Variants in CCDC68 observed in about 807,000 individuals in gnomAD.
The protein encoded by CCDC68 is coiled-coil domain-containing protein 68.
CCDC68 carries 45 observed loss-of-function variants against 47.1 expected under a neutral mutation model. The ratio of observed to expected loss-of-function variants is 0.96; its 90% confidence interval spans 0.75 to 1.23. The LOEUF (loss-of-function observed/expected upper bound fraction) is 1.23, where lower values mean the gene tolerates loss of function less well. CCDC68 is among the 50% of genes most tolerant of loss of function. The probability of loss-of-function intolerance (pLI) is 0.00; values close to 1 mark genes in which losing one functional copy is unlikely to be tolerated. For synonymous variants in CCDC68, 131 were observed against 129.5 expected, an observed-to-expected ratio of 1.01 and a Z score of -0.08; for missense variants, 353 against 373.6, an observed-to-expected ratio of 0.94 and a Z score of 0.45.
intron 10 of CCDC68, 42 bp downstream of exon 10, chr18:54,917,869 ACT>A (rs1555673592): frequency 1.2e-6 from 1 of 845,048 alleles, no homozygotes; most frequent in South Asian, 1.5e-5. Flanking sequence ...ACACACACAC[ACT>A]CACACCCTCA....
chr18:54,948,332 T>G (rs1454961565), intron 1 of CCDC68, among the ~76,000 whole-genome samples: 1 of 152,128 alleles, frequency 6.6e-6, no homozygotes, highest in Non-Finnish European at 1.5e-5. Context: ...GTAGCGATGC[T>G]TCTGCATGCC....
In CCDC68 at chr18:54,936,734, G is replaced by A. The variant is rs557896031; in HGVS notation, c.471+99C>T. ...TCCCAAGTCTTTTGCCAAGTCACTT[G>A]GCCATTGCTTGTTTCATTTCTAACT... On this transcript the variant is annotated intron_variant, in intron 6 of 11. Coordinates refer to ENST00000591504, the MANE Select transcript of CCDC68 (RefSeq NM_025214.3). 9.1e-6 allele frequency: 13 copies of A among 1,427,776 alleles called. No homozygotes were observed. In the East Asian group the frequency reaches 1.6e-4, roughly 18 times the overall value. 88.4% of individuals were successfully genotyped at this position (1,427,776 alleles called of 1,614,324 possible).
chr18:54,936,781 A>G, intron 6 of CCDC68, 52 bp downstream of exon 6: 1 of 1,607,724 alleles, frequency 6.2e-7, no homozygotes, highest in South Asian at 1.1e-5. Context: ...ATGAACTTCA[A>G]CAGCTCAGGG....
At chr18:54,916,030 G>A (rs1282373966) in intron 10 of CCDC68, among the ~76,000 whole-genome samples, 1 of 152,038 alleles carries the variant, frequency 6.6e-6, no homozygotes, top group Non-Finnish European at 1.5e-5. Context: ...CACTAAGAAA[G>A]GCTGTGAAGA....
intron 1 of CCDC68, among the ~76,000 whole-genome samples, chr18:54,953,537 C>CAT (rs1257575713): frequency 3.5e-5 from 4 of 112,976 alleles, no homozygotes; most frequent in Admixed American, 1.6e-4. Flanking sequence ...CACACACACA[C>CAT]ACATATATAT....
At chr18:54,907,896 C>G in intron 10 of CCDC68, 34 bp from the exon 11 acceptor site, 1 of 1,203,712 alleles carries the variant, frequency 8.3e-7, no homozygotes, top group South Asian at 1.2e-5. Flanking sequence ...CGTCAAATAG[C>G]TAACACATTT....
At chr18:54,919,865 TTTTTTTA>T (rs1167766892) in intron 8 of CCDC68, among the ~76,000 whole-genome samples, 4 of 152,188 alleles carry the variant, frequency 2.6e-5, no homozygotes, top group East Asian at 1.9e-4. Flanking sequence ...TGTGTTTGTC[TTTTTTTA>T]TTTTTTATTT....
intron 10 of CCDC68, among the ~76,000 whole-genome samples, chr18:54,916,211 C>G (rs947001768): frequency 6.6e-6 from 1 of 152,016 alleles, no homozygotes; most frequent in African/African-American, 2.4e-5. Flanking sequence ...GAGCTGAGAG[C>G]AGTGTGTTAA....
chr18:54,920,121 T>G (rs2044030610), intron 8 of CCDC68, among the ~76,000 whole-genome samples: 1 of 152,246 alleles, frequency 6.6e-6, no homozygotes, highest in Non-Finnish European at 1.5e-5. Flanking sequence ...ATTAGAGTTA[T>G]GAAGCCACAT....
intron 8 of CCDC68, among the ~76,000 whole-genome samples, chr18:54,923,440 T>TAAAAAAAAA (rs541934468): frequency 2.3e-5 from 3 of 130,314 alleles, no homozygotes; most frequent in African/African-American, 8.5e-5. Flanking sequence ...TCACTGTAAG[T>TAAAAAAAAA]AAAAAAAAAA....
chr18:54,933,160 C>T (rs558706945), intron 7 of CCDC68, among the ~76,000 whole-genome samples: 1 of 152,296 alleles, frequency 6.6e-6, no homozygotes, highest in South Asian at 2.1e-4. Context: ...CGGTTCACTG[C>T]AACCTCCGCC....
At chr18:54,935,589 G>A (rs556046806) in intron 6 of CCDC68, among the ~76,000 whole-genome samples, 4 of 152,206 alleles carry the variant, frequency 2.6e-5, no homozygotes, top group Admixed American at 6.5e-5. Context: ...GGCTGGTGCC[G>A]AGCCCACATT....
At chr18:54,956,575 G>T (rs2044716402) in intron 1 of CCDC68, among the ~76,000 whole-genome samples, 4 of 152,134 alleles carry the variant, frequency 2.6e-5, no homozygotes, top group Admixed American at 2.6e-4. Flanking sequence ...TCCTAGTTAA[G>T]CAATAAAAAG....
At chr18:54,920,684 TA>T (rs1181843526) in intron 8 of CCDC68, among the ~76,000 whole-genome samples, 1 of 151,998 alleles carries the variant, frequency 6.6e-6, no homozygotes, top group Admixed American at 6.6e-5. Context: ...TATTAAAAAG[TA>T]AAAAAATAAC....
At position 54,928,899 on chromosome 18, in the gene CCDC68, T is replaced by C. The variant is rs1041734006; in HGVS notation, c.601-17A>G. On this transcript the variant is annotated splice_polypyrimidine_tract_variant and intron_variant, in intron 7 of 11. Coordinates refer to ENST00000591504, the MANE Select transcript of CCDC68 (RefSeq NM_025214.3). ...TCTCTTTTCCTAGGAGAAAATAAGATACAAATTTTGCTAAACTGCATGTGT... is the reference window on the plus strand; with the variant it reads ...TCTCTTTTCCTAGGAGAAAATAAGACACAAATTTTGCTAAACTGCATGTGT... 1.3e-6 allele frequency: 2 copies of C among 1,531,922 alleles called. No individual in the cohort carries two copies. Among genetic ancestry groups the C allele is most frequent in the Non-Finnish European group, 9.0e-7 (1 of 1,106,208 alleles). 94.9% of individuals were successfully genotyped at this position (1,531,922 alleles called of 1,614,324 possible).
intron 2 of CCDC68, among the ~76,000 whole-genome samples, chr18:54,943,102 A>G (rs981308015): frequency 3.9e-5 from 6 of 152,214 alleles, no homozygotes; most frequent in Non-Finnish European, 7.4e-5. Context: ...CAGACTGTAA[A>G]AAGGAATGAG....
At chr18:54,910,018 G>A (rs1029973111) in intron 10 of CCDC68, among the ~76,000 whole-genome samples, 15 of 152,244 alleles carry the variant, frequency 9.9e-5, no homozygotes, top group Admixed American at 3.3e-4. Flanking sequence ...TGGCAACCAG[G>A]AAGAATGAGG....
At chr18:54,917,867 A>G in intron 10 of CCDC68, 46 bp downstream of exon 10, 1 of 1,001,548 alleles carries the variant, frequency 1.0e-6, no homozygotes, top group Non-Finnish European at 1.6e-6. Flanking sequence ...ACACACACAC[A>G]CACTCACACC....
chr18:54,942,655 G>A lies in CCDC68; in HGVS notation c.117+20C>T, dbSNP rs1297270374. The A allele has an allele frequency of 7.2e-7, 1 of 1,382,150 alleles. No homozygotes were observed. Among genetic ancestry groups the A allele is most frequent in the African/African-American group, 1.5e-5 (1 of 68,214 alleles). The allele number at this position is 1,382,150 out of a possible 1,614,324, so 85.6% of individuals were successfully genotyped here. On this transcript the variant is annotated intron_variant, in intron 3 of 11. Transcript: ENST00000591504. Reference sequence around the variant, plus strand: ...CTTTAAAAAATCATATCATACTAATGATTTCTGCTACCCACATACCTTTTT... The same window carrying A: ...CTTTAAAAAATCATATCATACTAATAATTTCTGCTACCCACATACCTTTTT...
Sources: gnomAD v4.1 joint callset for allele counts (sites outside exome capture counted in the v4.1 genomes callset) on GRCh38, gnomAD v4.1.1 for gene constraint, MANE v1.5 for transcripts, NCBI Gene and HGNC (gene_info 2026-07-23, HGNC 2026-07-21) for gene names.